NLGN1: variants seen among roughly 807,000 people sequenced by gnomAD.
NLGN1 encodes the protein neuroligin-1.
Under a neutral mutation model 65.5 loss-of-function variants are expected in NLGN1, and 12 were observed. That is an observed-to-expected ratio of 0.18 (90% confidence interval 0.12 to 0.30). The LOEUF (loss-of-function observed/expected upper bound fraction) is 0.30, where lower values mean the gene tolerates loss of function less well. NLGN1 is among the 10% of genes least tolerant of loss of function. The pLI, the probability that NLGN1 is intolerant of heterozygous loss-of-function variation, is 1.00. For missense variants in NLGN1, 750 were observed against 1,007.1 expected, an observed-to-expected ratio of 0.74 and a Z score of 3.46; for synonymous variants, 350 against 359.5, an observed-to-expected ratio of 0.97 and a Z score of 0.30.
At chr3:174,259,207 C>A (rs1746370913) in intron 4 of NLGN1, among the ~76,000 whole-genome samples, 1 of 152,036 alleles carries the variant, frequency 6.6e-6, no homozygotes, top group African/African-American at 2.4e-5. Context: ...ATTACCCAGA[C>A]CTTATCTTAT....
At chr3:173,650,758 G>A (rs1312166567) in intron 3 of NLGN1, among the ~76,000 whole-genome samples, 1 of 151,986 alleles carries the variant, frequency 6.6e-6, no homozygotes, top group Non-Finnish European at 1.5e-5. Context: ...TACTATACAC[G>A]AAGTTTTCAT....
rs561416398 is a variant in NLGN1 at position 174,116,526 on chromosome 3, C to T, written c.647-158789C>T. Reference sequence around the variant, plus strand: ...CTAATATTTATATTTTTTGTAGAGACAGGATTTCACTATGTTGTCCCGGCT... The same window carrying T: ...CTAATATTTATATTTTTTGTAGAGATAGGATTTCACTATGTTGTCCCGGCT... On this transcript the variant is annotated intron_variant, in intron 4 of 6. Coordinates refer to ENST00000457714, the Ensembl canonical transcript of NLGN1. Among the ~76,000 whole-genome samples the T allele has an allele frequency of 8.6e-5, 13 of 151,652 alleles. No homozygotes were observed. The South Asian group carries it at 1.5e-3, about 17-fold the overall frequency.
intron 4 of NLGN1, among the ~76,000 whole-genome samples, chr3:174,036,907 G>A (rs1731256861): frequency 6.6e-6 from 1 of 151,974 alleles, no homozygotes; most frequent in Non-Finnish European, 1.5e-5. Context: ...CTAGCTTTAT[G>A]CATGTTCCTG....
chr3:173,754,056 G>C, intron 3 of NLGN1, among the ~76,000 whole-genome samples: 1 of 64,614 alleles, frequency 1.5e-5, no homozygotes, highest in East Asian at 4.0e-4. Context: ...TTTTGTTGTT[G>C]TTGTTGAGAC....
intron 2 of NLGN1, among the ~76,000 whole-genome samples, chr3:173,565,628 A>G (rs1022519280): frequency 1.3e-5 from 2 of 152,188 alleles, no homozygotes; most frequent in Non-Finnish European, 1.5e-5. Flanking sequence ...AAATAGAGGA[A>G]AACTACAAGG....
intron 2 of NLGN1, among the ~76,000 whole-genome samples, chr3:173,559,487 T>C (rs1172729650): frequency 1.3e-5 from 2 of 152,196 alleles, no homozygotes; most frequent in African/African-American, 2.4e-5. Flanking sequence ...GTCTGGACTT[T>C]GATTCATTAA....
intron 4 of NLGN1, among the ~76,000 whole-genome samples, chr3:174,212,087 T>C (rs1455029677): frequency 2.0e-5 from 3 of 152,108 alleles, no homozygotes; most frequent in Non-Finnish European, 2.9e-5. Context: ...GGCTCAGGCA[T>C]GGCGGGCTGC....
intron 4 of NLGN1, among the ~76,000 whole-genome samples, chr3:173,928,387 C>T (rs1029492655): frequency 3.9e-5 from 6 of 152,042 alleles, no homozygotes; most frequent in East Asian, 1.9e-4. Flanking sequence ...TTGAACTTTT[C>T]GAGTCTTAAG....
intron 2 of NLGN1, among the ~76,000 whole-genome samples, chr3:173,463,649 G>T (rs2148897175): frequency 6.6e-6 from 1 of 152,292 alleles, no homozygotes; most frequent in East Asian, 1.9e-4. Flanking sequence ...GTGATAAGAG[G>T]ATCCCTCGGG....
chr3:174,190,556 T>C (rs963511529), intron 4 of NLGN1, among the ~76,000 whole-genome samples: 1 of 152,022 alleles, frequency 6.6e-6, no homozygotes, highest in African/African-American at 2.4e-5. Context: ...ATTCAAAAAT[T>C]ACTATATTAA....
At chr3:173,886,331 C>G (rs1272149381) in intron 4 of NLGN1, among the ~76,000 whole-genome samples, 2 of 151,874 alleles carry the variant, frequency 1.3e-5, no homozygotes, top group African/African-American at 4.8e-5. Context: ...TTTTCTAGTC[C>G]TCAAATTTAC....
intron 2 of NLGN1, among the ~76,000 whole-genome samples, chr3:173,479,520 T>C (rs1206084661): frequency 6.6e-6 from 1 of 152,148 alleles, no homozygotes; most frequent in Non-Finnish European, 1.5e-5. Flanking sequence ...GTGTCATTAG[T>C]TTGATGGTCA....
intron 4 of NLGN1, among the ~76,000 whole-genome samples, chr3:174,202,457 G>C (rs1302561907): frequency 7.1e-6 from 1 of 140,452 alleles, no homozygotes. Flanking sequence ...TTTTCTACTA[G>C]AAAAAAAAAA....
At chr3:174,059,540 C>G (rs945747192) in intron 4 of NLGN1, among the ~76,000 whole-genome samples, 4 of 152,056 alleles carry the variant, frequency 2.6e-5, no homozygotes, top group African/African-American at 9.7e-5. Flanking sequence ...CTAAGCTAAA[C>G]CAGAGAGCCT....
intron 3 of NLGN1, among the ~76,000 whole-genome samples, chr3:173,664,171 A>G (rs958109629): frequency 3.3e-5 from 5 of 152,074 alleles, no homozygotes; most frequent in African/African-American, 1.2e-4. Flanking sequence ...AAAGAATGGT[A>G]TTTTCTGAAT....
intron 4 of NLGN1, among the ~76,000 whole-genome samples, chr3:173,850,473 A>T (rs1465959961): frequency 6.6e-6 from 1 of 152,132 alleles, no homozygotes; most frequent in Non-Finnish European, 1.5e-5. Flanking sequence ...ACATGTTTAC[A>T]TTTAGCTTCT....
At chr3:173,825,387 A>AC in intron 4 of NLGN1, among the ~76,000 whole-genome samples, 1 of 151,660 alleles carries the variant, frequency 6.6e-6, no homozygotes, top group African/African-American at 2.4e-5. Context: ...TAGTGGAAAA[A>AC]ATGATAAGAG....
At chr3:173,617,597 TTAAC>T (rs1388413634) in intron 3 of NLGN1, among the ~76,000 whole-genome samples, 3 of 152,208 alleles carry the variant, frequency 2.0e-5, no homozygotes, top group Non-Finnish European at 4.4e-5. Context: ...ATCAGAGTCT[TTAAC>T]TAAGAAATAA....
At chr3:173,736,063 G>T (rs1773689208) in intron 3 of NLGN1, among the ~76,000 whole-genome samples, 2 of 152,006 alleles carry the variant, frequency 1.3e-5, no homozygotes, top group African/African-American at 4.8e-5. Context: ...AAGACTTCAT[G>T]TTTGGGAGGT....
Sources: allele counts gnomAD v4.1 joint callset (sites outside exome capture counted in the v4.1 genomes callset), GRCh38; gene constraint gnomAD v4.1.1; transcripts MANE v1.5; gene names NCBI Gene and HGNC (gene_info 2026-07-23, HGNC 2026-07-21).